Variants in USP24 observed in about 807,000 individuals in gnomAD.
The protein encoded by USP24 is ubiquitin specific peptidase 24.
In USP24, 97 loss-of-function variants were observed where a neutral mutation model predicts 361.6. That is an observed-to-expected ratio of 0.27 (90% confidence interval 0.23 to 0.32). The LOEUF (loss-of-function observed/expected upper bound fraction) is 0.32, where lower values mean the gene tolerates loss of function less well. USP24 is among the 10% of genes least tolerant of loss of function. The probability of loss-of-function intolerance (pLI) is 1.00; values close to 1 mark genes in which losing one functional copy is unlikely to be tolerated. For missense variants in USP24, 2,353 were observed against 3,165.6 expected (o/e 0.74, Z 6.16); for synonymous variants, 1,098 against 1,124.6 (o/e 0.98, Z 0.47).
intron 1 of USP24, among the ~76,000 whole-genome samples, chr1:55,211,086 G>A (rs917306598): frequency 6.6e-6 from 1 of 152,164 alleles, no homozygotes; most frequent in Non-Finnish European, 1.5e-5. Flanking sequence ...TGATCCCCTG[G>A]AGAGATTACA....
At chr1:55,072,716 G>C in intron 65 of USP24, 70 bp downstream of exon 65, 1 of 1,437,922 alleles carries the variant, frequency 7.0e-7, no homozygotes, top group Non-Finnish European at 9.5e-7. Flanking sequence ...CAGTTCTAGA[G>C]ATTTTTCCTG....
intron 4 of USP24, 96 bp from the exon 5 acceptor site, chr1:55,171,774 C>T: frequency 7.5e-7 from 1 of 1,328,890 alleles, no homozygotes; most frequent in Non-Finnish European, 1.0e-6. Context: ...CTTTGACTCC[C>T]CTCATTAATG....
intron 55 of USP24, among the ~76,000 whole-genome samples, chr1:55,087,444 T>C (rs1683832207): frequency 1.3e-5 from 2 of 152,234 alleles, no homozygotes; most frequent in South Asian, 4.1e-4. Flanking sequence ...TTTGCATATT[T>C]GCCATGTTCC....
chr1:55,204,577 C>G (rs966143062), intron 1 of USP24, among the ~76,000 whole-genome samples: 23 of 152,160 alleles, frequency 1.5e-4, no homozygotes, highest in Non-Finnish European at 2.8e-4. Context: ...TTTTGATACA[C>G]AGATTTAAGC....
At chr1:55,167,066 T>C (rs914820825) in intron 5 of USP24, among the ~76,000 whole-genome samples, 1 of 152,298 alleles carries the variant, frequency 6.6e-6, no homozygotes, top group South Asian at 2.1e-4. Context: ...TTCACTGTTC[T>C]AGGGACTAGA....
At chr1:55,131,046 T>G (rs116501042) in intron 31 of USP24, among the ~76,000 whole-genome samples, 204 of 152,294 alleles carry the variant, frequency 1.3e-3, no homozygotes, top group African/African-American at 4.4e-3. Flanking sequence ...GCTAGACCCA[T>G]TGTTGGACCA....
At chr1:55,086,173 T>A in intron 55 of USP24, 135 bp from the exon 56 acceptor site, 1 of 752,406 alleles carries the variant, frequency 1.3e-6, no homozygotes, top group Non-Finnish European at 2.2e-6. Context: ...ATGGGCCAAG[T>A]GGAGCTTTCC....
At chr1:55,168,255 T>C (rs185379210) in intron 5 of USP24, among the ~76,000 whole-genome samples, 1 of 152,250 alleles carries the variant, frequency 6.6e-6, no homozygotes, top group Admixed American at 6.5e-5. Context: ...TGTTGGTGTC[T>C]TAACGAGAAT....
At chr1:55,082,877 G>C (rs1243207796) in intron 58 of USP24, among the ~76,000 whole-genome samples, 1 of 152,036 alleles carries the variant, frequency 6.6e-6, no homozygotes, top group Non-Finnish European at 1.5e-5. Flanking sequence ...CTATCATTCA[G>C]TTTATAACAG....
At chr1:55,074,184 C>T (rs1038169193) in intron 63 of USP24, among the ~76,000 whole-genome samples, 2 of 148,346 alleles carry the variant, frequency 1.3e-5, no homozygotes, top group African/African-American at 5.0e-5. Context: ...GAGAACTGAA[C>T]AGGAACAAAA....
In USP24 at chr1:55,146,066, C is replaced by T. The variant is rs1437002610; in HGVS notation, c.2294G>A (p.Ser765Asn). 1 of 1,613,050 alleles carries T rather than the reference C, an allele frequency of 6.2e-7. No homozygotes were observed. The highest frequency in any genetic ancestry group is 1.7e-5 in the Admixed American group (1 of 59,990). ...WFTKGQHDLE[S>N]DVQQQLFKEK... ...CTTGAAGAGCTGCTGCTGAACATCA[C>T]TCTCAAGATCATGCTGTCCTTTTGT... Residue 765 changes from serine to asparagine, a missense_variant, in exon 20 of 68, where the codon AGT (serine) becomes AAT (asparagine). Ser to Asn is a conservative substitution (Grantham distance 46, BLOSUM62 1). Coordinates refer to ENST00000294383, the MANE Select transcript of USP24 (RefSeq NM_015306.3).
rs546807467 is a variant in USP24 at position 55,145,869 on chromosome 1, A to T, written c.2362+129T>A. On this transcript the variant is annotated intron_variant, in intron 20 of 67. Coordinates refer to ENST00000294383, the MANE Select transcript of USP24 (RefSeq NM_015306.3). ...GAGTACTAAATATGTCTTTAGATGC[A>T]CAAGAAAAATTCTAGAAGGATATTC... The T allele has an allele frequency of 3.4e-5, 22 of 642,132 alleles. No homozygotes were observed. In the South Asian group the frequency reaches 4.7e-4, roughly 14 times the overall value. The allele number at this position is 642,132 out of a possible 1,614,324, so 39.8% of individuals were successfully genotyped here. A position where few individuals can be genotyped will look rare whatever the true frequency, so the allele number is the denominator to read the frequency against.
chr1:55,101,345 G>C (rs1233173149), intron 43 of USP24, among the ~76,000 whole-genome samples: 1 of 152,212 alleles, frequency 6.6e-6, no homozygotes, highest in Non-Finnish European at 1.5e-5. Context: ...AACAACTTTG[G>C]AGTTCAAAAA....
intron 1 of USP24, among the ~76,000 whole-genome samples, chr1:55,205,356 C>T (rs1644679100): frequency 6.6e-6 from 1 of 152,060 alleles, no homozygotes; most frequent in African/African-American, 2.4e-5. Context: ...GGGGAGCATG[C>T]AGAAAAGAAC....
chr1:55,137,455 G>A (rs1646769913), intron 28 of USP24, 60 bp downstream of exon 28: 1 of 1,547,388 alleles, frequency 6.5e-7, no homozygotes, highest in Non-Finnish European at 8.7e-7. Context: ...GGAAGAGTCA[G>A]AACAAAAAGA....
chr1:55,206,691 G>GCCAAAAC (rs1644715606), intron 1 of USP24, among the ~76,000 whole-genome samples: 1 of 147,054 alleles, frequency 6.8e-6, no homozygotes, highest in African/African-American at 2.5e-5. Context: ...GGGGGCATGA[G>GCCAAAAC]CCAAAACCAG....
rs999508736 is a variant in USP24, at chr1:55,110,502, T to C, written c.4509-256A>G. ...CATCTTAAAATAATATATGCACTGA[T>C]TGCATACGTAATACACTCATTACAT... On this transcript the variant is annotated intron_variant, in intron 38 of 67. Transcript: ENST00000294383. Among the ~76,000 whole-genome samples the C allele has an allele frequency of 2.6e-5, 4 of 152,188 alleles. No homozygotes were observed. The South Asian group carries it at 6.2e-4, about 24-fold the overall frequency.
rs375251217 is a variant in USP24, at chr1:55,097,071, G to T, written c.5817C>A (p.Gly1939=). Residue 1939 remains glycine (G), a synonymous_variant, in exon 49 of 68, where the codon GGC becomes GGA. Coordinates refer to ENST00000294383, the MANE Select transcript of USP24 (RefSeq NM_015306.3). ...CCTTTTTTCGTGGGGATCCTCCACC[G>T]CCCTGATCCACACTTCGCCCATTTT... The part of the protein sequence containing the change: ...VGENGRSVDQ[G]GGGSPRKKVA... The T allele has an allele frequency of 3.1e-6, 5 of 1,613,668 alleles. No homozygotes were observed. Among genetic ancestry groups the T allele is most frequent in the Non-Finnish European group, 4.2e-6 (5 of 1,179,798 alleles).
intron 1 of USP24, among the ~76,000 whole-genome samples, chr1:55,197,837 AACTTTG>A (rs1228310051): frequency 9.2e-5 from 14 of 152,298 alleles, no homozygotes; most frequent in Non-Finnish European, 1.8e-4. Context: ...ATCTCCACAT[AACTTTG>A]ACTAATACCT....
Sources: gnomAD v4.1 joint callset for allele counts (sites outside exome capture counted in the v4.1 genomes callset) on GRCh38, gnomAD v4.1.1 for gene constraint, MANE v1.5 for transcripts, NCBI Gene and HGNC (gene_info 2026-07-23, HGNC 2026-07-21) for gene names.